Variants in ANO4 observed in about 807,000 individuals in gnomAD.
The protein encoded by ANO4 is anoctamin-4.
Under a neutral mutation model 141.9 loss-of-function variants are expected in ANO4, and 69 were observed. The ratio of observed to expected loss-of-function variants is 0.49; its 90% CI spans 0.40 to 0.59. The LOEUF is 0.59. Among genes scored for constraint, ANO4 ranks in the 20% least tolerant of loss-of-function variants. ANO4 has a pLI of 0.00. For missense variants in ANO4, 894 were observed against 1,162.2 expected (o/e 0.77, Z 3.36); for synonymous variants, 350 against 394.3 (o/e 0.89, Z 1.33).
chr12:100,895,577 T>TTTTTTTTA (rs2040308725), intron 1 of ANO4, among the ~76,000 whole-genome samples: 1 of 151,296 alleles, frequency 6.6e-6, no homozygotes, highest in African/African-American at 2.4e-5. Context: ...TTTTTTTTTT[T>TTTTTTTTA]GAGACAGAGT....
chr12:101,120,545 C>A lies in ANO4; in HGVS notation c.2596C>A (p.His866Asn). The part of the protein sequence containing the change: ...CRYRDYRDPP[H>N]SLVPYGYTLQ... ...ATACCGGGACTACCGTGACCCGCCT[C>A]ATTCACTGGTGCCCTATGGCTACAC... The change falls in exon 26 of 28, where the codon CAT becomes AAT. Residue 866 changes from histidine (H) to asparagine (N), a missense_variant. His to Asn is a moderately conservative substitution (Grantham distance 68, BLOSUM62 1). This residue lies in a region of ANO4 where 637 missense variants were observed against 909.2 expected (regional missense o/e 0.70). Coordinates refer to ENST00000392977, the MANE Select transcript of ANO4 (RefSeq NM_001286615.2). The A allele has an allele frequency of 6.2e-7, 1 of 1,614,100 alleles. No individual in the cohort carries two copies. The highest frequency in any genetic ancestry group is 8.5e-7 in the Non-Finnish European group (1 of 1,179,990).
At chr12:101,086,196 C>T (rs1044669523) in intron 16 of ANO4, among the ~76,000 whole-genome samples, 2 of 150,696 alleles carry the variant, frequency 1.3e-5, no homozygotes, top group African/African-American at 4.9e-5. Context: ...GTGCTTAGCC[C>T]GTTTGATGTA....
At chr12:101,088,571 G>A (rs1383006526) in intron 17 of ANO4, among the ~76,000 whole-genome samples, 2 of 151,596 alleles carry the variant, frequency 1.3e-5, no homozygotes, top group Non-Finnish European at 2.9e-5. Flanking sequence ...TCTGGAACAG[G>A]GCCTGGCACA....
At chr12:100,779,753 C>T (rs986141612) in intron 3 of ANO4, among the ~76,000 whole-genome samples, 3 of 152,124 alleles carry the variant, frequency 2.0e-5, no homozygotes, top group Non-Finnish European at 4.4e-5. Flanking sequence ...CTTGTCTGTT[C>T]TGTCATCTCC....
At chr12:100,990,325 T>G (rs1021488996) in intron 8 of ANO4, among the ~76,000 whole-genome samples, 2 of 152,206 alleles carry the variant, frequency 1.3e-5, no homozygotes, top group African/African-American at 4.8e-5. Context: ...TATTCTACAG[T>G]GTTCTTGCTT....
rs1215641195 is a variant in ANO4, at chr12:100,765,408, C to G, written c.358+25303C>G. Among the ~76,000 whole-genome samples the G allele has an allele frequency of 3.1e-5, 3 of 97,636 alleles. No homozygotes were observed. In the East Asian group the frequency reaches 8.1e-4, roughly 26 times the overall value. The allele number at this position is 97,636 out of a possible 152,430, so 64.1% of individuals were successfully genotyped here. On this transcript the variant is annotated intron_variant, in intron 3 of 29. Coordinates refer to the ANO4 transcript ENST00000644049. ...TTTTTTTTTTTTTTGAGACAGGGTT[C>G]TACTCTGTCACCCAGGTTGGAGTGC...
chr12:101,083,636 G>A, intron 15 of ANO4, 42 bp from the exon 16 acceptor site: 2 of 1,565,404 alleles, frequency 1.3e-6, no homozygotes, highest in Non-Finnish European at 1.7e-6. Flanking sequence ...TATTGTGTGA[G>A]CACCTCTTTA....
chr12:100,816,352 C>T (rs1456625700), intron 1 of ANO4, among the ~76,000 whole-genome samples: 2 of 151,898 alleles, frequency 1.3e-5, no homozygotes, highest in Non-Finnish European at 2.9e-5. Context: ...GAATGATTCT[C>T]TGATGAAAGA....
At chr12:100,881,279 TA>T (rs1033885717) in intron 1 of ANO4, among the ~76,000 whole-genome samples, 2 of 151,104 alleles carry the variant, frequency 1.3e-5, no homozygotes, top group African/African-American at 4.9e-5. Context: ...AAACTTAAAG[TA>T]TAATAATAAT....
chr12:100,940,665 G>T (rs1169337947), intron 4 of ANO4, among the ~76,000 whole-genome samples: 3 of 152,058 alleles, frequency 2.0e-5, no homozygotes, highest in Non-Finnish European at 4.4e-5. Flanking sequence ...TTTCGATTAA[G>T]GTTTGTGCAA....
chr12:101,092,573 A>G (rs756893003), intron 17 of ANO4, among the ~76,000 whole-genome samples: 9 of 152,106 alleles, frequency 5.9e-5, no homozygotes, highest in African/African-American at 1.7e-4. Context: ...ATCCTGTCCA[A>G]TGTCTCACAG....
At chr12:101,066,744 T>G (rs2048606339) in intron 14 of ANO4, 3 of 869,908 alleles carry the variant, frequency 3.4e-6, no homozygotes, top group Non-Finnish European at 5.9e-6. Context: ...ATGGCCACAG[T>G]TCCTGAGTTG....
intron 9 of ANO4, among the ~76,000 whole-genome samples, chr12:101,032,796 A>G (rs1211657617): frequency 5.3e-5 from 8 of 151,582 alleles, no homozygotes; most frequent in South Asian, 4.2e-4. Flanking sequence ...TAGAATGGCA[A>G]TCATTAAAAA....
chr12:101,116,239 G>A (rs1328193985), intron 24 of ANO4, among the ~76,000 whole-genome samples: 1 of 152,152 alleles, frequency 6.6e-6, no homozygotes, highest in African/African-American at 2.4e-5. Context: ...CAGGACTGTA[G>A]CATGGGATAT....
At chr12:100,764,260 C>G (rs966932796) in intron 3 of ANO4, among the ~76,000 whole-genome samples, 2 of 152,164 alleles carry the variant, frequency 1.3e-5, no homozygotes, top group Non-Finnish European at 2.9e-5. Context: ...TTAGATTTGT[C>G]TAAGATTCTC....
chr12:100,966,816 CATATATAT>C lies in ANO4; in HGVS notation c.457-4486_457-4479del, dbSNP rs34861561. 1.8e-3 allele frequency among the ~76,000 whole-genome samples: 254 copies of C among 142,308 alleles called. 1 individual carries two copies. The highest frequency in any genetic ancestry group is 6.5e-3 in the African/African-American group (240 of 36,862). The allele number at this position is 142,308 out of a possible 152,430, so 93.4% of individuals were successfully genotyped here. A position where few individuals can be genotyped will look rare whatever the true frequency, so the allele number is the denominator to read the frequency against. On this transcript the variant is annotated intron_variant, in intron 5 of 27. Transcript: ENST00000392977. ...ACATGTATATATATACACACACACA[CATATATAT>C]ATACACATATATATACACACACACA...
chr12:101,011,396 T>A (rs544560678), intron 8 of ANO4, among the ~76,000 whole-genome samples: 1 of 144,506 alleles, frequency 6.9e-6, no homozygotes, highest in East Asian at 2.1e-4. Flanking sequence ...ATATAGAAAA[T>A]ATTCTCATTC....
rs117291820 is a variant in ANO4 at position 100,945,415 on chromosome 12, A to G, written c.456+2880A>G. On this transcript the variant is annotated intron_variant, in intron 5 of 27. Coordinates refer to ENST00000392977, the MANE Select transcript of ANO4 (RefSeq NM_001286615.2). The stretch of plus-strand genomic sequence containing the variant: ...TATTCTGCAATTCAACTTTCATAAT[A>G]GCCCAGAGAAAGCAATTCACAACAA... 2.3e-3 allele frequency among the ~76,000 whole-genome samples: 347 copies of G among 152,358 alleles called. 2 individuals carry two copies. In the East Asian group the frequency reaches 0.046, roughly 20 times the overall value.
chr12:100,812,470 GTA>G (rs61192735), intron 1 of ANO4, among the ~76,000 whole-genome samples: 4 of 148,968 alleles, frequency 2.7e-5, no homozygotes, highest in East Asian at 3.9e-4. Context: ...TTGTATTTAT[GTA>G]TATATATATT....
Sources: allele counts gnomAD v4.1 joint callset (sites outside exome capture counted in the v4.1 genomes callset), GRCh38; gene constraint gnomAD v4.1.1; regional missense constraint gnomAD v4.1.1; transcripts MANE v1.5; gene names NCBI Gene and HGNC (gene_info 2026-07-23, HGNC 2026-07-21).